The following DNAH14 variants were observed in gnomAD, a reference collection of about 807,000 sequenced individuals.
The protein encoded by DNAH14 is axonemal beta dynein heavy chain 14.
A neutral mutation model predicts 520.9 loss-of-function variants in DNAH14; 478 were observed. That is an observed-to-expected ratio of 0.92 (90% CI 0.85 to 0.99). The LOEUF (loss-of-function observed/expected upper bound fraction) is 0.99, where lower values mean the gene tolerates loss of function less well. Among genes scored for constraint, DNAH14 ranks in the 50% least tolerant of loss-of-function variants. The probability of loss-of-function intolerance (pLI) is 0.00; values close to 1 mark genes in which losing one functional copy is unlikely to be tolerated. For synonymous variants in DNAH14, 1,581 were observed against 1,757.2 expected (o/e 0.90, Z 2.51); for missense variants, 4,831 against 5,234.5 (o/e 0.92, Z 2.38).
intron 34 of DNAH14, among the ~76,000 whole-genome samples, chr1:225,157,400 G>A (rs12139666): frequency 2.0e-5 from 3 of 151,980 alleles, no homozygotes; most frequent in South Asian, 2.1e-4. Context: ...GCTATCTTAC[G>A]CTTAAATTTT....
chr1:224,953,357 C>T (rs1273712485), intron 2 of DNAH14, among the ~76,000 whole-genome samples: 4 of 151,958 alleles, frequency 2.6e-5, no homozygotes, highest in Non-Finnish European at 4.4e-5. Context: ...AACACCTGAC[C>T]TCGTGATCCA....
intron 31 of DNAH14, among the ~76,000 whole-genome samples, chr1:225,150,758 C>A (rs2080423736): frequency 6.6e-6 from 1 of 151,916 alleles, no homozygotes; most frequent in African/African-American, 2.4e-5. Context: ...AGGCAGACAT[C>A]TCACTCTGTT....
intron 15 of DNAH14, among the ~76,000 whole-genome samples, chr1:225,045,002 C>T (rs973994119): frequency 1.3e-5 from 2 of 152,044 alleles, no homozygotes; most frequent in African/African-American, 4.8e-5. Context: ...TCTGATTCTC[C>T]TTCCTTTGTA....
In DNAH14 at chr1:225,335,849, A is replaced by G. The variant is rs544178919; in HGVS notation, c.10081-1417A>G. On this transcript the variant is annotated intron_variant, in intron 66 of 85. Coordinates refer to ENST00000682510, the MANE Select transcript of DNAH14 (RefSeq NM_001367479.1). ...CATATGTACATATATGTACATACAC[A>G]TATGTACATATATGTACATACACAT... Among the ~76,000 whole-genome samples the G allele has an allele frequency of 4.1e-5, 2 of 49,154 alleles. 1 individual carries two copies. Among genetic ancestry groups the G allele is most frequent in the African/African-American group, 1.7e-4 (2 of 11,962 alleles). The allele number at this position is 49,154 out of a possible 152,430, so 32.2% of individuals were successfully genotyped here.
rs534067871 is a variant in DNAH14 at position 225,024,043 on chromosome 1, A to G, written c.1358+178A>G. On this transcript the variant is annotated intron_variant, in intron 11 of 85. Coordinates refer to ENST00000682510, the MANE Select transcript of DNAH14 (RefSeq NM_001367479.1). ...ATTATTTGGTAATACCTTACTTAAT[A>G]TCGGTGCTATAGGATGCGCAGTAAA... The G allele has an allele frequency of 5.2e-5, 69 of 1,315,108 alleles. No individual in the cohort carries two copies. In the African/African-American group the frequency reaches 9.1e-4, roughly 17 times the overall value. The allele number at this position is 1,315,108 out of a possible 1,614,324, so 81.5% of individuals were successfully genotyped here.
At chr1:224,998,360 A>G (rs2063530911) in intron 8 of DNAH14, among the ~76,000 whole-genome samples, 1 of 151,984 alleles carries the variant, frequency 6.6e-6, no homozygotes, top group Non-Finnish European at 1.5e-5. Context: ...TCTTAAAGTG[A>G]GAGCCTAGAT....
Position 224,967,458 on chromosome 1 carries a change from G to A in DNAH14, c.526G>A (p.Val176Ile), listed in dbSNP as rs747179804. 1 of 1,563,802 alleles carries A rather than the reference G, an allele frequency of 6.4e-7. No homozygotes were observed. Among genetic ancestry groups the A allele is most frequent in the South Asian group, 1.2e-5 (1 of 80,120 alleles). Residue 176 changes from valine to isoleucine, a missense_variant, in exon 6 of 86, where the codon GTT becomes ATT. Val to Ile is a conservative substitution (Grantham distance 29). Coordinates refer to ENST00000682510, the MANE Select transcript of DNAH14 (RefSeq NM_001367479.1). ...ACCTTTGGAAGATGATGGAGAATTT[G>A]TTTATTGCCTTCCTCGGAAAAGTCC... ...KKPLEDDGEF[V>I]YCLPRKSPKS...
At chr1:225,397,008 ATTC>A (rs1253226390) in intron 84 of DNAH14, 2 of 76,470 alleles carry the variant, frequency 2.6e-5, no homozygotes, top group African/African-American at 5.7e-5. Flanking sequence ...TCCCAGTAAA[ATTC>A]TTTTTTTTTT....
intron 10 of DNAH14, among the ~76,000 whole-genome samples, chr1:225,010,841 G>A (rs1413049292): frequency 2.0e-5 from 3 of 152,014 alleles, no homozygotes; most frequent in Admixed American, 6.6e-5. Context: ...TATGTGTCCA[G>A]GAATTTATCC....
chr1:225,024,178 AT>A (rs550073458), intron 11 of DNAH14: 1 of 989,462 alleles, frequency 1.0e-6, no homozygotes, highest in East Asian at 9.4e-5. Flanking sequence ...TAGCAAATAT[AT>A]TTTTTATTTG....
intron 8 of DNAH14, among the ~76,000 whole-genome samples, chr1:225,001,846 G>A (rs144432136): frequency 1.3e-5 from 2 of 152,044 alleles, no homozygotes; most frequent in South Asian, 4.1e-4. Context: ...GATACTTAGA[G>A]GGATGTCATC....
In DNAH14 at chr1:225,002,869, T is replaced by C. The variant is rs189576156; in HGVS notation, c.917T>C (p.Ile306Thr). 8.8e-4 allele frequency: 1,362 copies of C among 1,549,658 alleles called. 8 individuals are homozygous for C. The highest frequency in any genetic ancestry group is 7.9e-5 in the Non-Finnish European group (91 of 1,145,746). The change falls in exon 9 of 86, where the codon ATT becomes ACT. Residue 306 changes from isoleucine (I) to threonine (T), a missense_variant. Coordinates refer to ENST00000682510, the MANE Select transcript of DNAH14 (RefSeq NM_001367479.1). ...VYIRGLCEDA[I>T]NLKNYNDHEN... ...ATAAGAGGACTTTGTGAAGATGCAA[T>C]TAATCTCAAAAATTATAATGACCAT...
At chr1:225,199,244 T>A (rs1199340058) in intron 38 of DNAH14, among the ~76,000 whole-genome samples, 1 of 152,166 alleles carries the variant, frequency 6.6e-6, no homozygotes, top group Non-Finnish European at 1.5e-5. Context: ...CTTTTCTTGG[T>A]TAATCTTTCT....
At chr1:225,059,717 G>A (rs1379631027) in intron 17 of DNAH14, among the ~76,000 whole-genome samples, 3 of 152,012 alleles carry the variant, frequency 2.0e-5, no homozygotes, top group African/African-American at 7.2e-5. Context: ...TTTAGGGCAG[G>A]CCTGGTGGTG....
Position 225,145,327 on chromosome 1 carries a change from C to G in DNAH14, c.4742C>G (p.Ser1581Cys). 6.5e-7 allele frequency: 1 copy of G among 1,543,508 alleles called. No individual in the cohort carries two copies. Among genetic ancestry groups the G allele is most frequent in the South Asian group, 1.2e-5 (1 of 81,744 alleles). The stretch of plus-strand genomic sequence containing the variant: ...TACTAAAATATTTTTGTTTCCCAGT[C>G]CTTAGGCAAACATTGTGTGGTCTTC... ...KTETVKDLAKSLGKHCVVFNC... is the reference protein window; with the variant it reads ...KTETVKDLAKCLGKHCVVFNC... The change falls in exon 30 of 86, where the codon TCC (serine) becomes TGC (cysteine). Residue 1581 changes from serine (S) to cysteine (C), a missense_variant and splice_region_variant. Transcript: ENST00000682510.
chr1:225,188,394 A>G (rs2084996120), intron 37 of DNAH14, among the ~76,000 whole-genome samples: 1 of 151,934 alleles, frequency 6.6e-6, no homozygotes, highest in South Asian at 2.1e-4. Flanking sequence ...CATTCATATC[A>G]GTTTTAAGTT....
chr1:225,388,592 T>C, intron 82 of DNAH14, 101 bp downstream of exon 82: 2 of 651,370 alleles, frequency 3.1e-6, no homozygotes, highest in Non-Finnish European at 2.6e-6. Flanking sequence ...GTTCTCACAG[T>C]AATGTGTGAA....
At chr1:225,205,143 G>A (rs2087364314) in intron 39 of DNAH14, among the ~76,000 whole-genome samples, 1 of 152,120 alleles carries the variant, frequency 6.6e-6, no homozygotes, top group African/African-American at 2.4e-5. Flanking sequence ...ACAGTGGTGG[G>A]TGTAGCATGT....
chr1:225,299,992 A>G (rs555466080), intron 55 of DNAH14, among the ~76,000 whole-genome samples: 45 of 152,294 alleles, frequency 3.0e-4, no homozygotes, highest in Admixed American at 2.9e-3. Flanking sequence ...ACTTTTTTAA[A>G]TGCTTTTTTT....
Sources: gnomAD v4.1 joint callset for allele counts (sites outside exome capture counted in the v4.1 genomes callset) on GRCh38, gnomAD v4.1.1 for gene constraint, MANE v1.5 for transcripts, NCBI Gene and HGNC (gene_info 2026-07-23, HGNC 2026-07-21) for gene names.